Variants in IL1RAPL2 observed in about 807,000 individuals in gnomAD.
IL1RAPL2 encodes the protein X-linked interleukin-1 receptor accessory protein-like 2.
A neutral mutation model predicts 44.1 loss-of-function variants in IL1RAPL2; 3 were observed. The observed-to-expected ratio is 0.07, with a 90% CI of 0.03 to 0.18. The LOEUF (loss-of-function observed/expected upper bound fraction) is 0.18. Among genes scored for constraint, IL1RAPL2 ranks in the 10% least tolerant of loss-of-function variants. The pLI is 1.00. For missense variants in IL1RAPL2, 391 were observed against 496.4 expected, an observed-to-expected ratio of 0.79 and a Z score of 2.02; for synonymous variants, 181 against 178.8, an observed-to-expected ratio of 1.01 and a Z score of -0.10.
chrX:105,104,976 T>C (rs1359052698), intron 2 of IL1RAPL2, among the ~76,000 whole-genome samples: 10 of 112,140 alleles, frequency 8.9e-5, no homozygotes, highest in Non-Finnish European at 3.8e-5. Context: ...TCCAAGTACA[T>C]TGAAAGCCCC....
intron 3 of IL1RAPL2, among the ~76,000 whole-genome samples, chrX:105,209,072 G>A (rs1413275434): frequency 9.0e-6 from 1 of 111,481 alleles, no homozygotes; most frequent in Non-Finnish European, 1.9e-5. Flanking sequence ...GCAATTTTAC[G>A]AGGTGACAGT....
At chrX:105,402,799 A>G (rs2035615603) in intron 5 of IL1RAPL2, among the ~76,000 whole-genome samples, 1 of 111,923 alleles carries the variant, frequency 8.9e-6, no homozygotes, top group Non-Finnish European at 1.9e-5. Flanking sequence ...TGTTCTACTT[A>G]ATGGATAAAA....
intron 2 of IL1RAPL2, among the ~76,000 whole-genome samples, chrX:104,756,767 C>T (rs1380377482): frequency 9.1e-6 from 1 of 109,453 alleles, no homozygotes. Context: ...TTAAAGGGGC[C>T]AGGGAAGACT....
intron 4 of IL1RAPL2, among the ~76,000 whole-genome samples, chrX:105,245,802 C>T (rs999570449): frequency 8.9e-6 from 1 of 112,423 alleles, no homozygotes; most frequent in Non-Finnish European, 1.9e-5. Context: ...GTGAAACACT[C>T]ATCTATGTGA....
intron 5 of IL1RAPL2, among the ~76,000 whole-genome samples, chrX:105,402,884 T>G (rs988214): frequency 0.19 from 21,523 of 111,271 alleles, 5,066 homozygotes; most frequent in African/African-American, 0.67. Flanking sequence ...AGGCATTTAT[T>G]AACTCATAAC....
chrX:105,505,993 A>G (rs188346500), intron 6 of IL1RAPL2, among the ~76,000 whole-genome samples: 2 of 111,353 alleles, frequency 1.8e-5, no homozygotes, highest in East Asian at 5.7e-4. Flanking sequence ...AAATTAACCT[A>G]CTATACCTCG....
chrX:105,342,220 T>TA (rs1316474867), intron 5 of IL1RAPL2, among the ~76,000 whole-genome samples: 1 of 107,121 alleles, frequency 9.3e-6, no homozygotes, highest in East Asian at 3.0e-4. Flanking sequence ...AATGATGAGT[T>TA]AATGGGTACA....
chrX:105,619,053 A>C (rs754698758), intron 6 of IL1RAPL2, among the ~76,000 whole-genome samples: 13 of 111,187 alleles, frequency 1.2e-4, no homozygotes, highest in Admixed American at 8.6e-4. Flanking sequence ...AGACTCCTGT[A>C]ATGAAAGACA....
intron 2 of IL1RAPL2, among the ~76,000 whole-genome samples, chrX:105,063,560 G>A (rs1330818872): frequency 8.9e-6 from 1 of 112,244 alleles, no homozygotes; most frequent in Non-Finnish European, 1.9e-5. Flanking sequence ...GGTAGGGGTG[G>A]TGTAGGTGAT....
intron 5 of IL1RAPL2, among the ~76,000 whole-genome samples, chrX:105,285,655 A>G (rs2034565457): frequency 8.9e-6 from 1 of 111,921 alleles, no homozygotes; most frequent in Non-Finnish European, 1.9e-5. Context: ...ACTTTCTCCA[A>G]TACAATGGTG....
At chrX:105,286,555 G>T (rs2034573078) in intron 5 of IL1RAPL2, among the ~76,000 whole-genome samples, 1 of 106,710 alleles carries the variant, frequency 9.4e-6, no homozygotes, top group Non-Finnish European at 1.9e-5. Flanking sequence ...AGAATCAGCT[G>T]AAGAGCAGAA....
At chrX:104,637,800 GTC>G (rs1191896520) in intron 1 of IL1RAPL2, among the ~76,000 whole-genome samples, 7 of 98,629 alleles carry the variant, frequency 7.1e-5, no homozygotes, top group African/African-American at 1.6e-4. Context: ...GTGTGTGTGT[GTC>G]TGTGTGTGTG....
chrX:105,541,640 T>C (rs1233929850), intron 6 of IL1RAPL2, among the ~76,000 whole-genome samples: 6 of 111,032 alleles, frequency 5.4e-5, no homozygotes, highest in Admixed American at 3.8e-4. Context: ...GAAATTTCTC[T>C]TGGGTCTGCC....
rs184080025 is a variant in IL1RAPL2 at position 105,535,814 on chromosome X, G to C, written c.772+51427G>C. Among the ~76,000 whole-genome samples, 522 of 111,461 alleles carry C rather than the reference G, an allele frequency of 4.7e-3. 5 individuals carry two copies. The highest frequency in any genetic ancestry group is 0.016 in the African/African-American group (484 of 30,690). ...GTGACTACAAAGCAGTAGCATGAAG[G>C]AATGTTTTTAAGGTGATAGAACTCT... On this transcript the variant is annotated intron_variant, in intron 6 of 10. Coordinates refer to ENST00000372582, the MANE Select transcript of IL1RAPL2 (RefSeq NM_017416.2).
intron 1 of IL1RAPL2, 33 bp from the exon 2 acceptor site, chrX:104,658,862 T>C: frequency 9.9e-7 from 1 of 1,008,466 alleles, no homozygotes; most frequent in Non-Finnish European, 1.4e-6. Flanking sequence ...GATCTGTGGT[T>C]CAAACTTTAT....
rs201323179 is a variant in IL1RAPL2, at chrX:105,347,441, TG to T, written c.697+79901del. On this transcript the variant is annotated intron_variant, in intron 5 of 10. Transcript: ENST00000372582. ...TTGCCTGGAGGATTAAGCAAGGTAA[TG>T]TAATAAAGAGCTTTGCACAGTGCCT... Among the ~76,000 whole-genome samples, 596 of 111,504 alleles carry T rather than the reference TG, an allele frequency of 5.3e-3. 5 individuals carry two copies. The highest frequency in any genetic ancestry group is 0.018 in the African/African-American group (554 of 30,692).
chrX:104,695,588 GAGTAGTA>G (rs746734096), intron 2 of IL1RAPL2, among the ~76,000 whole-genome samples: 47,600 of 108,671 alleles, frequency 0.44, 8,695 homozygotes, highest in South Asian at 0.64. Flanking sequence ...ACCATAACAT[GAGTAGTA>G]GCCAGGTGGG....
At chrX:104,717,759 C>T (rs867984972) in intron 2 of IL1RAPL2, among the ~76,000 whole-genome samples, 1 of 109,144 alleles carries the variant, frequency 9.2e-6, no homozygotes, top group African/African-American at 3.3e-5. Context: ...TATCTCCCCC[C>T]CCCACCCCAC....
At chrX:105,141,424 C>T (rs1396818697) in intron 2 of IL1RAPL2, among the ~76,000 whole-genome samples, 1 of 110,678 alleles carries the variant, frequency 9.0e-6, no homozygotes, top group Non-Finnish European at 1.9e-5. Context: ...CTTAAATTTG[C>T]AACTCAAAAA....
Sources: gnomAD v4.1 joint callset for allele counts (sites outside exome capture counted in the v4.1 genomes callset) on GRCh38, gnomAD v4.1.1 for gene constraint, MANE v1.5 for transcripts, NCBI Gene and HGNC (gene_info 2026-07-23, HGNC 2026-07-21) for gene names.